The following DCHS2 variants were observed in gnomAD, a reference collection of about 807,000 sequenced individuals.
DCHS2 encodes the protein dachsous cadherin-related 2.
Under a neutral mutation model 182.4 loss-of-function variants are expected in DCHS2, and 142 were observed. That is an observed-to-expected ratio of 0.78 (90% CI 0.68 to 0.89). The LOEUF (loss-of-function observed/expected upper bound fraction) is 0.89. Among genes scored for constraint, DCHS2 ranks in the 40% least tolerant of loss-of-function variants. The probability of loss-of-function intolerance (pLI) is 0.00; values close to 1 mark genes in which losing one functional copy is unlikely to be tolerated. For missense variants in DCHS2, 4,319 were observed against 4,198.6 expected (o/e 1.03, Z -0.79); for synonymous variants, 1,740 against 1,663.3 (o/e 1.05, Z -1.12).
In DCHS2 at chr4:154,234,461, G is replaced by A. The variant is rs552887175; in HGVS notation, c.*75C>T. ...TTTAGATAAAAATGAGCCCAATCTC[G>A]AGTTGCTGGCTTGAAAACATTTTGT... On this transcript the variant is annotated 3_prime_UTR_variant, in exon 20 of 20. Coordinates refer to ENST00000357232, the MANE Select transcript of DCHS2 (RefSeq NM_001358235.2). The A allele has an allele frequency of 2.9e-5, 41 of 1,435,946 alleles. No individual in the cohort carries two copies. The highest frequency in any genetic ancestry group is 2.1e-4 in the African/African-American group (15 of 69,798). The allele number at this position is 1,435,946 out of a possible 1,614,324, so 89.0% of individuals were successfully genotyped here.
intron 1 of DCHS2, among the ~76,000 whole-genome samples, chr4:154,394,789 A>C (rs906652732): frequency 4.0e-4 from 61 of 152,208 alleles, no homozygotes; most frequent in Non-Finnish European, 2.9e-5. Flanking sequence ...CCTGGCATCC[A>C]TATTTTAGAG....
Position 154,236,943 on chromosome 4 carries a change from G to T in DCHS2, c.7709C>A (p.Thr2570Lys), listed in dbSNP as rs768117171. Reference sequence around the variant, plus strand: ...CCAGTCATGGTCGATGTTTGAAAATGTAACAAGCGTGCTTCCAACCAGAGC... The same window carrying T: ...CCAGTCATGGTCGATGTTTGAAAATTTAACAAGCGTGCTTCCAACCAGAGC... ...EDALVGSTLV[T>K]FSNIDHDWTR... The change falls in exon 20 of 20, where the codon ACA becomes AAA. Residue 2570 changes from threonine to lysine, a missense_variant. Transcript: ENST00000357232. The T allele has an allele frequency of 1.2e-6, 2 of 1,614,046 alleles. No individual in the cohort carries two copies. The highest frequency in any genetic ancestry group is 2.2e-5 in the East Asian group (1 of 44,864).
intron 1 of DCHS2, among the ~76,000 whole-genome samples, chr4:154,444,994 CTCACCACACTCAGGTCTTGGACCAATG>C (rs1159952982): frequency 6.6e-6 from 1 of 152,190 alleles, no homozygotes. Flanking sequence ...CAGCTGGCAC[CTCACCACACTCAGGTCTTGGACCAATG>C]GTTACCTCTT....
Position 154,235,783 on chromosome 4 carries a change from T to A in DCHS2, c.8869A>T (p.Lys2957Ter). The A allele has an allele frequency of 1.2e-6, 2 of 1,614,020 alleles. No individual in the cohort carries two copies. Among genetic ancestry groups the A allele is most frequent in the Non-Finnish European group, 1.7e-6 (2 of 1,179,976 alleles). The stretch of plus-strand genomic sequence containing the variant: ...GATTTGGGACTATGAGCGATTATTT[T>A]CATTTCCAAGGTGTCTTCTTTGTTG... ...QLNKEDTLEM[K>*]IIAHSPKSDS... Residue 2957 changes from lysine (K) to a stop codon, truncating the protein, a stop_gained, in exon 20 of 20, where the codon AAA becomes TAA. Transcript: ENST00000357232. LOFTEE classifies it low-confidence loss of function (END_TRUNC).
intron 1 of DCHS2, among the ~76,000 whole-genome samples, chr4:154,427,976 GAA>G (rs1291264926): frequency 6.6e-6 from 1 of 152,246 alleles, no homozygotes; most frequent in East Asian, 1.9e-4. Flanking sequence ...CAGCTGGAGA[GAA>G]GTGCATATGA....
intron 13 of DCHS2, chr4:154,272,108 G>A (rs1355425476): frequency 1.3e-5 from 2 of 151,950 alleles, no homozygotes; most frequent in African/African-American, 4.8e-5. Context: ...TCATACAATT[G>A]TTATTGCAGA....
intron 3 of DCHS2, 109 bp downstream of exon 3, chr4:154,366,101 C>A (rs913506332): frequency 3.9e-6 from 3 of 762,884 alleles, no homozygotes; most frequent in Non-Finnish European, 6.6e-6. Flanking sequence ...GTGAGTCCTG[C>A]AACACCCCCA....
chr4:154,270,511 G>A (rs141825758), intron 13 of DCHS2, among the ~76,000 whole-genome samples: 14 of 152,016 alleles, frequency 9.2e-5, no homozygotes, highest in Non-Finnish European at 1.8e-4. Context: ...AGTAGGGGAA[G>A]AAGAAGAAGG....
chr4:154,235,414 T>G lies in DCHS2; in HGVS notation c.9238A>C (p.Lys3080Gln). ...EWLSLISIME[K>Q]DIVNLYRHSN... ...TGTCTGTACAGATTGACAATATCCT[T>G]CTCCATGATACTTATTAAACTCAAC... is the stretch of plus-strand genomic sequence containing the variant. The change falls in exon 20 of 20, where the codon AAG becomes CAG. Residue 3080 changes from lysine to glutamine, a missense_variant. Lys to Gln is a moderately conservative substitution (Grantham distance 53). Coordinates refer to ENST00000357232, the MANE Select transcript of DCHS2 (RefSeq NM_001358235.2). 1 of 1,614,060 alleles carries G rather than the reference T, an allele frequency of 6.2e-7. No individual in the cohort carries two copies. Among genetic ancestry groups the G allele is most frequent in the Non-Finnish European group, 8.5e-7 (1 of 1,179,972 alleles).
In DCHS2 at chr4:154,263,887, A is replaced by G. The variant is rs377352415; in HGVS notation, c.6578-4131T>C. Reference sequence around the variant, plus strand: ...GCAGCAACGGTGATGAGTTAGAAAGAAAGAGACTACAACTTCTAATTACAA... The same window carrying G: ...GCAGCAACGGTGATGAGTTAGAAAGGAAGAGACTACAACTTCTAATTACAA... On this transcript the variant is annotated intron_variant, in intron 14 of 19. Transcript: ENST00000357232. Among the ~76,000 whole-genome samples the G allele has an allele frequency of 3.2e-4, 49 of 152,234 alleles. No individual in the cohort carries two copies. In the South Asian group the frequency reaches 9.9e-3, roughly 31 times the overall value.
At chr4:154,463,854 T>G (rs1359539819) in intron 1 of DCHS2, among the ~76,000 whole-genome samples, 1 of 152,140 alleles carries the variant, frequency 6.6e-6, no homozygotes, top group Non-Finnish European at 1.5e-5. Flanking sequence ...TGATTTGGAT[T>G]TTATGCTTAA....
chr4:154,284,669 C>G (rs1478634068), intron 13 of DCHS2: 1 of 152,286 alleles, frequency 6.6e-6, no homozygotes, highest in Non-Finnish European at 1.5e-5. Flanking sequence ...CTGGGCAGAA[C>G]TCAGCCAGCT....
intron 1 of DCHS2, among the ~76,000 whole-genome samples, chr4:154,439,617 A>G (rs2110952551): frequency 6.6e-6 from 1 of 152,118 alleles, no homozygotes; most frequent in Non-Finnish European, 1.5e-5. Flanking sequence ...ATGAATATGG[A>G]TTTCTTGTCT....
At position 154,489,506 on chromosome 4, in the gene DCHS2, G is replaced by T; in HGVS notation, c.1850C>A (p.Thr617Asn). 1 of 1,551,700 alleles carries T rather than the reference G, an allele frequency of 6.4e-7. No individual in the cohort carries two copies. The highest frequency in any genetic ancestry group is 8.7e-7 in the Non-Finnish European group (1 of 1,146,984). ...AIDSESGAIS[T>N]IRTLDREVQE... Reference sequence around the variant, plus strand: ...GACCTCTCGGTCTAGAGTCCGGATAGTGCTGATCGCACCGCTTTCGGAATC... The same window carrying T: ...GACCTCTCGGTCTAGAGTCCGGATATTGCTGATCGCACCGCTTTCGGAATC... The change falls in exon 1 of 20, where the codon ACT becomes AAT. Residue 617 changes from threonine (T) to asparagine (N), a missense_variant. Transcript: ENST00000357232.
chr4:154,323,353 G>A, intron 7 of DCHS2: 1 of 1,509,564 alleles, frequency 6.6e-7, no homozygotes, highest in Non-Finnish European at 8.9e-7. Context: ...AAAAAAAGAT[G>A]AAGTCTCTTT....
At chr4:154,438,005 C>T (rs991214262) in intron 1 of DCHS2, among the ~76,000 whole-genome samples, 2 of 151,884 alleles carry the variant, frequency 1.3e-5, no homozygotes, top group Admixed American at 6.6e-5. Context: ...GAACCTGTCT[C>T]CTAAAAAAAA....
At chr4:154,388,762 G>T (rs1731537067) in intron 1 of DCHS2, among the ~76,000 whole-genome samples, 1 of 152,068 alleles carries the variant, frequency 6.6e-6, no homozygotes, top group African/African-American at 2.4e-5. Flanking sequence ...CCAAAGTGCT[G>T]GGATTACAGG....
intron 1 of DCHS2, 146 bp downstream of exon 1, chr4:154,489,158 A>G (rs1728693805): frequency 1.5e-6 from 1 of 670,946 alleles, no homozygotes; most frequent in Non-Finnish European, 2.4e-6. Context: ...GGCATCATTC[A>G]TCTCACTGTA....
intron 3 of DCHS2, among the ~76,000 whole-genome samples, chr4:154,348,954 T>C (rs1189285409): frequency 6.6e-6 from 1 of 152,024 alleles, no homozygotes; most frequent in Non-Finnish European, 1.5e-5. Context: ...ATTACGTTTA[T>C]GGGCTGTTGA....
Sources: allele counts gnomAD v4.1 joint callset (sites outside exome capture counted in the v4.1 genomes callset), GRCh38; gene constraint gnomAD v4.1.1; transcripts MANE v1.5; gene names NCBI Gene and HGNC (gene_info 2026-07-23, HGNC 2026-07-21).